PPEF1: variants seen among roughly 807,000 people sequenced by gnomAD.
The protein encoded by PPEF1 is serine/threonine-protein phosphatase with EF-hands 1.
Under a neutral mutation model 53.3 loss-of-function variants are expected in PPEF1, and 12 were observed. That is an observed-to-expected ratio of 0.23 (90% CI 0.14 to 0.36). The LOEUF is 0.36. Ranked by LOEUF, PPEF1 falls within the 10% of genes least tolerant of loss-of-function variation. PPEF1 has a pLI of 1.00. For synonymous variants in PPEF1, 165 were observed against 176.7 expected (o/e 0.93, Z 0.52); for missense variants, 334 against 490.4 (o/e 0.68, Z 3.01).
chrX:18,761,829 C>T (rs928979274), intron 6 of PPEF1, among the ~76,000 whole-genome samples: 2 of 109,368 alleles, frequency 1.8e-5, no homozygotes, highest in African/African-American at 6.7e-5. Flanking sequence ...GGATTTGTAC[C>T]GGATTGTATT....
At position 18,730,210 on chromosome X, in the gene PPEF1, T is replaced by C. The variant is rs1268056157; in HGVS notation, c.76T>C (p.Trp26Arg). The C allele has an allele frequency of 8.3e-7, 1 of 1,210,564 alleles. No homozygotes were observed. Among genetic ancestry groups the C allele is most frequent in the Non-Finnish European group, 1.1e-6 (1 of 894,652 alleles). The change falls in exon 2 of 16, where the codon TGG becomes CGG. Residue 26 changes from tryptophan to arginine, a missense_variant. By Grantham distance (101) the Trp-to-Arg change is moderately radical. Transcript: ENST00000470157. Reference sequence around the variant, plus strand: ...GAGAGCTGCGTTGATCATCCAGAACTGGTACCGAGGTTACAAAGCTCGACT... The same window carrying C: ...GAGAGCTGCGTTGATCATCCAGAACCGGTACCGAGGTTACAAAGCTCGACT... ...SLRAALIIQN[W>R]YRGYKARLKA...
chrX:18,705,559 A>G (rs771394127), upstream of PPEF1, among the ~76,000 whole-genome samples: 1 of 111,455 alleles, frequency 9.0e-6, no homozygotes, highest in Non-Finnish European at 1.9e-5. Context: ...ACAAAAAAGT[A>G]CAAAAATTAG....
At chrX:18,817,996 G>A in intron 12 of PPEF1, 43 bp from the exon 13 acceptor site, 1 of 960,760 alleles carries the variant, frequency 1.0e-6, no homozygotes, top group Non-Finnish European at 1.5e-6. Flanking sequence ...AACACAACAG[G>A]ATGATTTATG....
chrX:18,684,159 AAC>A (rs1373392706), intron 1 of PPEF1, among the ~76,000 whole-genome samples: 1 of 111,948 alleles, frequency 8.9e-6, no homozygotes, highest in Non-Finnish European at 1.9e-5. Flanking sequence ...TATGTCTGGG[AAC>A]ACAGTGTTGG....
chrX:18,729,993 C>T (rs2044799153), intron 1 of PPEF1, among the ~76,000 whole-genome samples, 188 bp from the exon 2 acceptor site: 1 of 112,161 alleles, frequency 8.9e-6, no homozygotes, highest in Non-Finnish European at 1.9e-5. Context: ...TCATTATTCT[C>T]TGAGTGTTTG....
chrX:18,729,310 C>T (rs1022576706), intron 1 of PPEF1, among the ~76,000 whole-genome samples: 1 of 111,865 alleles, frequency 8.9e-6, no homozygotes, highest in Non-Finnish European at 1.9e-5. Context: ...TTGGTCTGTG[C>T]AAGACCCCTT....
chrX:18,707,140 T>A (rs978907332), upstream of PPEF1, among the ~76,000 whole-genome samples: 59 of 111,379 alleles, frequency 5.3e-4, no homozygotes, highest in African/African-American at 1.7e-3. Flanking sequence ...TCCTTTTTTT[T>A]AAAACAAATG....
At chrX:18,725,622 C>T (rs2044688666) in intron 1 of PPEF1, among the ~76,000 whole-genome samples, 1 of 111,773 alleles carries the variant, frequency 8.9e-6, no homozygotes, top group Non-Finnish European at 1.9e-5. Flanking sequence ...GAAATGGGGT[C>T]TGCAAAGTCC....
At chrX:18,794,777 G>A (rs1313112446) in intron 10 of PPEF1, among the ~76,000 whole-genome samples, 1 of 111,925 alleles carries the variant, frequency 8.9e-6, no homozygotes, top group East Asian at 2.8e-4. Context: ...TCCTTCTGGG[G>A]CAAAACCATA....
chrX:18,750,722 A>G (rs1035121335), intron 4 of PPEF1, among the ~76,000 whole-genome samples: 10 of 111,913 alleles, frequency 8.9e-5, no homozygotes, highest in Middle Eastern at 4.6e-3. Context: ...TGGTAACTCT[A>G]TATTTAAATT....
intron 12 of PPEF1, among the ~76,000 whole-genome samples, chrX:18,808,079 G>A (rs2046717529): frequency 9.5e-6 from 1 of 105,743 alleles, no homozygotes; most frequent in African/African-American, 3.5e-5. Flanking sequence ...CAATTCTCCT[G>A]CCTCAGCCTC....
At chrX:18,827,213 C>T in intron 15 of PPEF1, 63 bp from the exon 16 acceptor site, 1 of 1,023,069 alleles carries the variant, frequency 9.8e-7, no homozygotes, top group Admixed American at 2.3e-5. Flanking sequence ...TGTGGGTTCC[C>T]CAACCCTTGC....
At chrX:18,749,025 A>G (rs2045385690) in intron 3 of PPEF1, among the ~76,000 whole-genome samples, 2 of 111,607 alleles carry the variant, frequency 1.8e-5, no homozygotes, top group Non-Finnish European at 1.9e-5. Context: ...TCCATCTACC[A>G]TGTTTCCTTT....
intron 3 of PPEF1, among the ~76,000 whole-genome samples, chrX:18,741,643 G>C (rs966703879): frequency 3.6e-5 from 4 of 109,876 alleles, no homozygotes; most frequent in African/African-American, 1.3e-4. Flanking sequence ...CTGCCTTCTT[G>C]TACTGCTACC....
At chrX:18,675,974 T>G in exon 1 of PPEF1, 1 of 97,494 alleles carries the variant, frequency 1.0e-5, no homozygotes, top group Admixed American at 1.2e-4. Flanking sequence ...GGGGGGCATC[T>G]TTAAGCGCCC....
In PPEF1 at chrX:18,825,730, CT is replaced by C; in HGVS notation, c.1666-19del. The C allele has an allele frequency of 9.1e-7, 1 of 1,097,129 alleles. No homozygotes were observed. The allele number at this position is 1,097,129 out of a possible 1,213,427, so 90.4% of individuals were successfully genotyped here. A position where few individuals can be genotyped will look rare whatever the true frequency, so the allele number is the denominator to read the frequency against. ...GTCATGAATTCAATATGTTCTAACACTTAGAAAATCTTTATTTTAGGCTCAT... is the reference window on the plus strand; with the variant it reads ...GTCATGAATTCAATATGTTCTAACACTAGAAAATCTTTATTTTAGGCTCAT... On this transcript the variant is annotated intron_variant, in intron 14 of 15. Transcript: ENST00000470157.
chrX:18,755,304 C>T (rs180810037), intron 4 of PPEF1, among the ~76,000 whole-genome samples: 122 of 111,754 alleles, frequency 1.1e-3, no homozygotes, highest in African/African-American at 3.7e-3. Flanking sequence ...CAGTGGCTCA[C>T]GCCTGTAATC....
intron 4 of PPEF1, among the ~76,000 whole-genome samples, chrX:18,694,505 C>G (rs1929604694): frequency 1.8e-5 from 2 of 111,191 alleles, no homozygotes; most frequent in Admixed American, 1.9e-4. Context: ...AATACAAATA[C>G]TTTGGGAGGC....
intron 15 of PPEF1, among the ~76,000 whole-genome samples, chrX:18,826,892 A>T (rs1402607310): frequency 9.1e-6 from 1 of 110,024 alleles, no homozygotes; most frequent in African/African-American, 3.3e-5. Context: ...ATTGTTTGTA[A>T]TCCTCTTATT....
Sources: allele counts gnomAD v4.1 joint callset (sites outside exome capture counted in the v4.1 genomes callset), GRCh38; gene constraint gnomAD v4.1.1; transcripts MANE v1.5; gene names NCBI Gene and HGNC (gene_info 2026-07-23, HGNC 2026-07-21).